Variants in MARCHF11 observed in about 807,000 individuals in gnomAD.
MARCHF11 encodes E3 ubiquitin-protein ligase MARCHF11.
In MARCHF11, 29 loss-of-function variants were observed where a neutral mutation model predicts 37.3. That is an observed-to-expected ratio of 0.78 (90% confidence interval 0.58 to 1.06). MARCHF11 has a LOEUF of 1.06. Ranked by LOEUF, MARCHF11 falls within the 50% of genes least tolerant of loss-of-function variation. MARCHF11 has a pLI of 0.00. For missense variants in MARCHF11, 482 were observed against 533.4 expected (o/e 0.90, Z 0.95); for synonymous variants, 233 against 228.0 (o/e 1.02, Z -0.20).
intron 2 of MARCHF11, among the ~76,000 whole-genome samples, chr5:16,170,857 T>C (rs978170944): frequency 7.2e-5 from 11 of 152,154 alleles, no homozygotes; most frequent in Non-Finnish European, 1.6e-4. Flanking sequence ...CAAGGATATT[T>C]ACTGCACTGC....
chr5:16,090,394 A>G (rs942092403), intron 3 of MARCHF11, among the ~76,000 whole-genome samples: 2 of 152,136 alleles, frequency 1.3e-5, no homozygotes, highest in Non-Finnish European at 2.9e-5. Flanking sequence ...AGCAAGGAAA[A>G]CTGTTCCCAA....
intron 3 of MARCHF11, among the ~76,000 whole-genome samples, chr5:16,071,287 TA>T (rs895563308): frequency 1.3e-5 from 2 of 152,200 alleles, no homozygotes; most frequent in African/African-American, 4.8e-5. Flanking sequence ...AGCATGGATA[TA>T]AAAAATGTGA....
intron 2 of MARCHF11, among the ~76,000 whole-genome samples, chr5:16,170,584 T>C (rs1023579960): frequency 6.6e-6 from 1 of 152,160 alleles, no homozygotes; most frequent in African/African-American, 2.4e-5. Flanking sequence ...AATCATACTC[T>C]CACTCAGAAA....
Position 16,114,228 on chromosome 5 carries a change from T to C in MARCHF11, c.694-23147A>G, listed in dbSNP as rs186470433. Among the ~76,000 whole-genome samples the C allele has an allele frequency of 2.0e-5, 3 of 152,322 alleles. No individual in the cohort carries two copies. In the East Asian group the frequency reaches 5.8e-4, roughly 29 times the overall value. On this transcript the variant is annotated intron_variant, in intron 2 of 3. Transcript: ENST00000332432. The stretch of plus-strand genomic sequence containing the variant: ...AGCTACTGTCAACACCAGGATATCT[T>C]TGGGAAACTGTTAATACAATCCTCC...
intron 2 of MARCHF11, among the ~76,000 whole-genome samples, chr5:16,161,023 T>C (rs550796065): frequency 6.6e-6 from 1 of 151,942 alleles, no homozygotes; most frequent in Non-Finnish European, 1.5e-5. Flanking sequence ...CCTGGTTTAT[T>C]TGGAAAGGTT....
chr5:16,078,647 G>A (rs1201485677), intron 3 of MARCHF11, among the ~76,000 whole-genome samples: 1 of 152,166 alleles, frequency 6.6e-6, no homozygotes, highest in Non-Finnish European at 1.5e-5. Context: ...CCCCAGAGGG[G>A]CAGGGTTCGT....
At chr5:16,177,169 G>A (rs1406692838) in intron 2 of MARCHF11, among the ~76,000 whole-genome samples, 1 of 152,156 alleles carries the variant, frequency 6.6e-6, no homozygotes, top group Non-Finnish European at 1.5e-5. Context: ...CATCCACTAT[G>A]TAGTTGAACA....
Position 16,087,555 on chromosome 5 carries a change from T to C in MARCHF11, c.886+3334A>G, listed in dbSNP as rs1579679452. On this transcript the variant is annotated intron_variant, in intron 3 of 3. Transcript: ENST00000332432. Reference sequence around the variant, plus strand: ...ATTAACTGCTCAATCTCACTAGCCATATTTCAAGTACTCAATGGCCAAATT... The same window carrying C: ...ATTAACTGCTCAATCTCACTAGCCACATTTCAAGTACTCAATGGCCAAATT... Among the ~76,000 whole-genome samples the C allele has an allele frequency of 3.3e-5, 5 of 152,336 alleles. 1 individual carries two copies. The highest frequency in any genetic ancestry group is 3.3e-4 in the Admixed American group (5 of 15,302).
intron 2 of MARCHF11, among the ~76,000 whole-genome samples, chr5:16,170,543 T>C (rs1738246506): frequency 6.6e-6 from 1 of 152,152 alleles, no homozygotes; most frequent in Non-Finnish European, 1.5e-5. Context: ...ATGGCTAATG[T>C]ATGAGTAATG....
intron 2 of MARCHF11, among the ~76,000 whole-genome samples, chr5:16,095,274 T>C (rs1302015901): frequency 6.6e-6 from 1 of 152,152 alleles, no homozygotes; most frequent in Non-Finnish European, 1.5e-5. Flanking sequence ...GGTTCATTCC[T>C]AATGCAAGGG....
At chr5:16,071,844 G>C (rs541612476) in intron 3 of MARCHF11, among the ~76,000 whole-genome samples, 2 of 152,224 alleles carry the variant, frequency 1.3e-5, no homozygotes, top group African/African-American at 4.8e-5. Flanking sequence ...AGATAAATTT[G>C]TATCAAGAAC....
intron 2 of MARCHF11, among the ~76,000 whole-genome samples, chr5:16,162,322 C>T (rs1451028254): frequency 6.6e-6 from 1 of 151,898 alleles, no homozygotes; most frequent in East Asian, 1.9e-4. Context: ...TTTATCAAGG[C>T]TTTTTACATA....
chr5:16,169,227 G>T (rs1224561873), intron 2 of MARCHF11, among the ~76,000 whole-genome samples: 4 of 151,938 alleles, frequency 2.6e-5, no homozygotes, highest in African/African-American at 9.7e-5. Context: ...GTGCCAGGAG[G>T]GTTCCTGGAA....
chr5:16,103,942 T>G lies in MARCHF11; in HGVS notation c.694-12861A>C, dbSNP rs571695132. ...AGTGCATCCTCCTGCCCAAGAATCC[T>G]AGGCAGATGCCATGTTGACCACAGA... is the stretch of plus-strand genomic sequence containing the variant. On this transcript the variant is annotated intron_variant, in intron 2 of 3. Transcript: ENST00000332432. Among the ~76,000 whole-genome samples the G allele has an allele frequency of 5.3e-5, 8 of 152,214 alleles. No individual in the cohort carries two copies. The East Asian group carries it at 1.5e-3, about 29-fold the overall frequency.
chr5:16,171,964 AG>A (rs1321076563), intron 2 of MARCHF11, among the ~76,000 whole-genome samples: 1 of 152,208 alleles, frequency 6.6e-6, no homozygotes, highest in Non-Finnish European at 1.5e-5. Flanking sequence ...TGGAAAATGT[AG>A]AAAAGTCGAA....
intron 2 of MARCHF11, among the ~76,000 whole-genome samples, chr5:16,159,398 A>G (rs1738035647): frequency 1.3e-5 from 2 of 152,058 alleles, no homozygotes; most frequent in African/African-American, 2.4e-5. Context: ...TGAGTTAGAT[A>G]ATAAGGCAGA....
chr5:16,092,750 A>G (rs1161529471), intron 2 of MARCHF11, among the ~76,000 whole-genome samples: 1 of 152,246 alleles, frequency 6.6e-6, no homozygotes, highest in African/African-American at 2.4e-5. Context: ...AAAATAAAAT[A>G]AAATAAAAAA....
chr5:16,149,850 C>G (rs1737863317), intron 2 of MARCHF11, among the ~76,000 whole-genome samples: 1 of 151,986 alleles, frequency 6.6e-6, no homozygotes, highest in African/African-American at 2.4e-5. Context: ...TACTACACAG[C>G]AATAAAAAAG....
chr5:16,076,845 C>T (rs1736526308), intron 3 of MARCHF11, among the ~76,000 whole-genome samples: 1 of 152,140 alleles, frequency 6.6e-6, no homozygotes, highest in Admixed American at 6.5e-5. Flanking sequence ...CCATCCTCGG[C>T]CAAAGCCAGT....
Sources: gnomAD v4.1 joint callset for allele counts (sites outside exome capture counted in the v4.1 genomes callset) on GRCh38, gnomAD v4.1.1 for gene constraint, MANE v1.5 for transcripts, NCBI Gene and HGNC (gene_info 2026-07-23, HGNC 2026-07-21) for gene names.